The following LIMCH1 variants were observed in gnomAD, a reference collection of about 807,000 sequenced individuals.
The protein encoded by LIMCH1 is LIM and calponin homology domains-containing protein 1.
Under a neutral mutation model 176.5 loss-of-function variants are expected in LIMCH1, and 113 were observed. The ratio of observed to expected loss-of-function variants is 0.64; its 90% CI spans 0.55 to 0.75. The LOEUF (loss-of-function observed/expected upper bound fraction) is 0.75, where lower values mean the gene tolerates loss of function less well. Ranked by LOEUF, LIMCH1 falls within the 30% of genes least tolerant of loss-of-function variation. The pLI is 0.00. For missense variants in LIMCH1, 1,674 were observed against 1,814.9 expected (o/e 0.92, Z 1.41); for synonymous variants, 619 against 645.9 (o/e 0.96, Z 0.63).
intron 1 of LIMCH1, among the ~76,000 whole-genome samples, chr4:41,589,421 T>C (rs181069682): frequency 1.6e-4 from 25 of 152,098 alleles, no homozygotes; most frequent in African/African-American, 6.0e-4. Context: ...AGAAATGTAG[T>C]GGGTAACAGG....
intron 1 of LIMCH1, among the ~76,000 whole-genome samples, chr4:41,486,980 A>G (rs944552378): frequency 7.3e-6 from 1 of 137,806 alleles, no homozygotes; most frequent in Admixed American, 7.3e-5. Context: ...ACATACATAC[A>G]CACACACACA....
At position 41,612,786 on chromosome 4, in the gene LIMCH1, C is replaced by T. The variant is rs7659186; in HGVS notation, c.10-680C>T. The T allele has an allele frequency of 6.8e-3, 5,929 of 875,232 alleles. 46 individuals are homozygous for T. The highest frequency in any genetic ancestry group is 0.032 in the African/African-American group (1,876 of 58,824). The allele number at this position is 875,232 out of a possible 1,614,324, so 54.2% of individuals were successfully genotyped here. On this transcript the variant is annotated intron_variant, in intron 4 of 31. Transcript: ENST00000503057. The stretch of plus-strand genomic sequence containing the variant: ...CCCAGCGCCAAGAGCTGGCTGAGAG[C>T]GAGAGCATGCCTGGATTCTTCTGAG...
intron 1 of LIMCH1, among the ~76,000 whole-genome samples, chr4:41,365,329 T>C (rs1317275983): frequency 6.6e-6 from 1 of 152,220 alleles, no homozygotes; most frequent in Non-Finnish European, 1.5e-5. Flanking sequence ...CATAGAATTG[T>C]TTTCTTATTC....
chr4:41,629,893 G>A (rs1411248566), intron 9 of LIMCH1, among the ~76,000 whole-genome samples, 159 bp downstream of exon 9: 1 of 150,542 alleles, frequency 6.6e-6, no homozygotes, highest in Non-Finnish European at 1.5e-5. Context: ...CTGTACCCTC[G>A]ACTCCTGGGC....
At chr4:41,586,815 G>A (rs1376703330) in intron 1 of LIMCH1, among the ~76,000 whole-genome samples, 1 of 152,164 alleles carries the variant, frequency 6.6e-6, no homozygotes, top group Non-Finnish European at 1.5e-5. Context: ...GTCCTTGAGA[G>A]GCGATACAGC....
In LIMCH1 at chr4:41,699,371, A is replaced by G. The variant is rs2153108295; in HGVS notation, c.*2186A>G. ...CTCCAACTGCAAAATGTGCTTTCCC[A>G]TAATGAACACTAGTCACCAGCACAG... On this transcript the variant is annotated 3_prime_UTR_variant, in exon 32 of 32. Transcript: ENST00000503057. The G allele has an allele frequency of 6.6e-6, 1 of 152,312 alleles. No individual in the cohort carries two copies. The highest frequency in any genetic ancestry group is 2.4e-5 in the African/African-American group (1 of 41,576). The allele number at this position is 152,312 out of a possible 1,614,324, so 9.4% of individuals were successfully genotyped here.
intron 1 of LIMCH1, among the ~76,000 whole-genome samples, chr4:41,545,143 G>C (rs2079192131): frequency 6.6e-6 from 1 of 152,306 alleles, no homozygotes; most frequent in East Asian, 1.9e-4. Flanking sequence ...AGTGTGATGT[G>C]AGTTGGAATG....
chr4:41,372,185 A>C (rs890774334), intron 1 of LIMCH1, among the ~76,000 whole-genome samples: 2 of 151,928 alleles, frequency 1.3e-5, no homozygotes, highest in African/African-American at 2.4e-5. Flanking sequence ...ACACCCTTCC[A>C]CCATGCGCTC....
At chr4:41,409,584 T>C (rs572898944) in intron 1 of LIMCH1, among the ~76,000 whole-genome samples, 2 of 152,200 alleles carry the variant, frequency 1.3e-5, no homozygotes, top group Admixed American at 6.5e-5. Flanking sequence ...CCTAAATGCA[T>C]CTATGTTAGG....
At chr4:41,486,764 C>T (rs1015639511) in intron 1 of LIMCH1, among the ~76,000 whole-genome samples, 1 of 151,958 alleles carries the variant, frequency 6.6e-6, no homozygotes, top group Non-Finnish European at 1.5e-5. Flanking sequence ...GAATCTATGT[C>T]TCTTTCTTTC....
rs548255544 is a variant in LIMCH1, at chr4:41,616,917, C to T, written c.206-2271C>T. Among the ~76,000 whole-genome samples, 10 of 152,250 alleles carry T rather than the reference C, an allele frequency of 6.6e-5. No homozygotes were observed. The South Asian group carries it at 1.7e-3, about 25-fold the overall frequency. The stretch of plus-strand genomic sequence containing the variant: ...TAAATCCATAAACCTATACTTCTTT[C>T]AACTGAGCTACTCTGTCCTGGAGCA... On this transcript the variant is annotated intron_variant, in intron 5 of 31. Transcript: ENST00000503057.
chr4:41,640,161 G>T (rs140295788), intron 14 of LIMCH1, among the ~76,000 whole-genome samples: 1 of 152,334 alleles, frequency 6.6e-6, no homozygotes, highest in Admixed American at 6.5e-5. Context: ...GCCTGAGCTT[G>T]ACTGACTGCA....
intron 2 of LIMCH1, among the ~76,000 whole-genome samples, chr4:41,601,433 G>C (rs765212336): frequency 2.0e-5 from 3 of 152,152 alleles, no homozygotes; most frequent in African/African-American, 4.8e-5. Context: ...AGGAAGAACA[G>C]GCTGTGGGAA....
At chr4:41,492,563 A>G (rs1308612049) in intron 1 of LIMCH1, among the ~76,000 whole-genome samples, 1 of 152,208 alleles carries the variant, frequency 6.6e-6, no homozygotes, top group East Asian at 1.9e-4. Context: ...GCTCACTGTG[A>G]ACTTAAAAAA....
At chr4:41,650,684 G>A in intron 18 of LIMCH1, 76 bp downstream of exon 18, 1 of 1,249,040 alleles carries the variant, frequency 8.0e-7, no homozygotes, top group Non-Finnish European at 1.1e-6. Context: ...AAATAAGTAG[G>A]TCATGATAAT....
At chr4:41,671,884 C>CAAA (rs34994833) in intron 22 of LIMCH1, among the ~76,000 whole-genome samples, 476 of 51,360 alleles carry the variant, frequency 9.3e-3, no homozygotes, top group Non-Finnish European at 0.012. Flanking sequence ...GACTTCGTCT[C>CAAA]AAAAAAAAAA....
intron 4 of LIMCH1, chr4:41,612,779 C>A: frequency 1.2e-6 from 1 of 834,848 alleles, no homozygotes; most frequent in Non-Finnish European, 1.8e-6. Context: ...CAAGAGCTGG[C>A]TGAGAGCGAG....
Position 41,644,612 on chromosome 4 carries a change from G to A in LIMCH1, c.2239G>A (p.Asp747Asn), listed in dbSNP as rs570219833. 1.2e-6 allele frequency: 2 copies of A among 1,611,604 alleles called. No homozygotes were observed. The highest frequency in any genetic ancestry group is 2.7e-5 in the African/African-American group (2 of 74,952). ...AAATAACCAGCTGAGGGAAGAGGAC[G>A]ACAAATGGCAAGATGTGAGTTGTGG... ...LINNQLREED[D>N]KWQDDLARWK... The change falls in exon 15 of 32, where the codon GAC becomes AAC. Residue 747 changes from aspartate (D) to asparagine (N), a missense_variant. Physicochemically the swap from Asp to Asn is conservative, Grantham distance 23 (BLOSUM62 1). Around this residue, in one of 3 missense-constraint regions of LIMCH1, gnomAD observed 1,015 missense variants for 1,102.5 expected, o/e 0.92. Coordinates refer to ENST00000503057, the MANE Select transcript of LIMCH1 (RefSeq NM_001330672.2).
Position 41,646,833 on chromosome 4 carries a change from G to T in LIMCH1, c.2760G>T (p.Met920Ile), listed in dbSNP as rs775931958. ...SKTVTPKAVP[M>I]LTPKPYSQPK... The stretch of plus-strand genomic sequence containing the variant: ...CTGTCACTCCCAAAGCAGTGCCTAT[G>T]CTGACACCCAAGCCTTACTCCCAGC... The change falls in exon 17 of 32, where the codon ATG becomes ATT. Residue 920 changes from methionine to isoleucine, a missense_variant. This residue lies in a region of LIMCH1 where 1,015 missense variants were observed against 1,102.5 expected (regional missense o/e 0.92). Coordinates refer to ENST00000503057, the MANE Select transcript of LIMCH1 (RefSeq NM_001330672.2). 6.2e-7 allele frequency: 1 copy of T among 1,614,036 alleles called. No individual in the cohort carries two copies. Among genetic ancestry groups the T allele is most frequent in the Non-Finnish European group, 8.5e-7 (1 of 1,180,036 alleles).
Sources: gnomAD v4.1 joint callset for allele counts (sites outside exome capture counted in the v4.1 genomes callset) on GRCh38, gnomAD v4.1.1 for gene constraint, gnomAD v4.1.1 regional missense constraint, MANE v1.5 for transcripts, NCBI Gene and HGNC (gene_info 2026-07-23, HGNC 2026-07-21) for gene names.